The following TENM4 variants were observed in gnomAD, a reference collection of about 807,000 sequenced individuals.
The protein encoded by TENM4 is teneurin transmembrane protein 4, also known as teneurin-4.
A neutral mutation model predicts 243.3 loss-of-function variants in TENM4; 82 were observed. The ratio of observed to expected loss-of-function variants is 0.34; its 90% CI spans 0.28 to 0.40. The LOEUF is 0.40. Among genes scored for constraint, TENM4 ranks in the 10% least tolerant of loss-of-function variants. The probability of loss-of-function intolerance (pLI) is 1.00; values close to 1 mark genes in which losing one functional copy is unlikely to be tolerated. For missense variants in TENM4, 3,138 were observed against 3,673.3 expected (o/e 0.85, Z 3.77); for synonymous variants, 1,412 against 1,456.3 (o/e 0.97, Z 0.69).
chr11:79,152,701 CA>C (rs938574677), intron 3 of TENM4, among the ~76,000 whole-genome samples: 1 of 152,218 alleles, frequency 6.6e-6, no homozygotes, highest in African/African-American at 2.4e-5. Flanking sequence ...TGCTGGCTGG[CA>C]GCCCTCTACT....
At chr11:79,027,846 TA>T (rs1324758316) in intron 6 of TENM4, among the ~76,000 whole-genome samples, 2 of 152,160 alleles carry the variant, frequency 1.3e-5, no homozygotes, top group Admixed American at 6.5e-5. Context: ...AGGCATGTGT[TA>T]GATTCTTAAC....
chr11:79,206,814 A>G (rs1466380591), intron 3 of TENM4, among the ~76,000 whole-genome samples: 1 of 152,176 alleles, frequency 6.6e-6, no homozygotes, highest in Non-Finnish European at 1.5e-5. Flanking sequence ...AGGTGTCTTT[A>G]TCAGCAGCGT....
intron 9 of TENM4, among the ~76,000 whole-genome samples, chr11:78,883,539 G>C (rs1202011017): frequency 1.3e-5 from 2 of 152,180 alleles, no homozygotes; most frequent in African/African-American, 4.8e-5. Context: ...TGTCCTCTCA[G>C]GTCTTCATTT....
rs565926621 is a variant in TENM4, at chr11:78,750,242, C to A, written c.2756+6563G>T. ...AAATAAGTTTCATGAAATACATATT[C>A]TTTTTACAGTGATGCACTGATATTT... On this transcript the variant is annotated intron_variant, in intron 19 of 33. Transcript: ENST00000278550. Among the ~76,000 whole-genome samples, 7 of 152,276 alleles carry A rather than the reference C, an allele frequency of 4.6e-5. No homozygotes were observed. The South Asian group carries it at 1.0e-3, about 23-fold the overall frequency.
chr11:78,660,693 G>A (rs568957075), intron 33 of TENM4, among the ~76,000 whole-genome samples: 96 of 152,264 alleles, frequency 6.3e-4, no homozygotes, highest in Non-Finnish European at 1.1e-3. Context: ...TCATCCCTGC[G>A]TTCACTGGGC....
intron 6 of TENM4, among the ~76,000 whole-genome samples, chr11:79,011,415 C>T (rs1419326879): frequency 6.6e-6 from 1 of 152,208 alleles, no homozygotes; most frequent in Non-Finnish European, 1.5e-5. Flanking sequence ...CCTGTCTTGG[C>T]CTTGGTCCTG....
intron 9 of TENM4, among the ~76,000 whole-genome samples, chr11:78,869,171 G>A (rs1320887272): frequency 6.6e-6 from 1 of 151,122 alleles, no homozygotes; most frequent in Non-Finnish European, 1.5e-5. Flanking sequence ...CTAAAAATAG[G>A]AGAACGACTT....
rs1346398559 is a variant in TENM4, at chr11:78,895,759, G to A, written c.750-4423C>T. Among the ~76,000 whole-genome samples the A allele has an allele frequency of 2.0e-5, 3 of 152,174 alleles. No homozygotes were observed. The East Asian group carries it at 5.8e-4, about 29-fold the overall frequency. ...GTGGGTGCTATTACCTCATTTTACAGATATGGAAACTAAGGCCCAGAAAGG... is the reference window on the plus strand; with the variant it reads ...GTGGGTGCTATTACCTCATTTTACAAATATGGAAACTAAGGCCCAGAAAGG... On this transcript the variant is annotated intron_variant, in intron 7 of 33. Coordinates refer to ENST00000278550, the MANE Select transcript of TENM4 (RefSeq NM_001098816.3).
At chr11:79,076,055 C>G (rs898941789) in intron 4 of TENM4, among the ~76,000 whole-genome samples, 1 of 152,082 alleles carries the variant, frequency 6.6e-6, no homozygotes. Flanking sequence ...TAACGTGGGT[C>G]TTGGTTTTGG....
chr11:78,985,853 C>T (rs1473515710), intron 6 of TENM4, among the ~76,000 whole-genome samples: 1 of 152,178 alleles, frequency 6.6e-6, no homozygotes, highest in African/African-American at 2.4e-5. Context: ...CTGCCATCAG[C>T]TTTGCCCAGG....
At chr11:79,079,446 T>C (rs1321381857) in intron 4 of TENM4, among the ~76,000 whole-genome samples, 2 of 152,218 alleles carry the variant, frequency 1.3e-5, no homozygotes, top group Non-Finnish European at 2.9e-5. Context: ...AGCTGTGTCT[T>C]CCAGATTCCT....
intron 6 of TENM4, among the ~76,000 whole-genome samples, chr11:79,050,674 T>C (rs1859769392): frequency 6.6e-6 from 1 of 152,246 alleles, no homozygotes; most frequent in Admixed American, 6.5e-5. Flanking sequence ...AGGAAAGCAA[T>C]TTGTTTTGTA....
intron 3 of TENM4, among the ~76,000 whole-genome samples, chr11:79,196,968 G>T (rs1178375877): frequency 1.3e-5 from 2 of 152,308 alleles, no homozygotes; most frequent in Admixed American, 6.5e-5. Context: ...AGCAGATGGC[G>T]CCTGGTCATG....
chr11:79,164,469 T>TATATATA (rs1451094202), intron 3 of TENM4, among the ~76,000 whole-genome samples: 8 of 129,154 alleles, frequency 6.2e-5, no homozygotes, highest in African/African-American at 2.2e-4. Context: ...ATATATATAG[T>TATATATA]GTATATATAT....
chr11:78,797,295 G>A (rs553077201), intron 15 of TENM4, among the ~76,000 whole-genome samples: 2 of 152,312 alleles, frequency 1.3e-5, no homozygotes, highest in East Asian at 1.9e-4. Flanking sequence ...CATGAAGCAC[G>A]TACATGAAGG....
intron 6 of TENM4, among the ~76,000 whole-genome samples, chr11:78,967,720 C>A (rs1857465942): frequency 6.6e-6 from 1 of 152,116 alleles, no homozygotes; most frequent in South Asian, 2.1e-4. Flanking sequence ...CTGAAGGGAA[C>A]CTGGCATTGC....
chr11:79,184,490 T>C lies in TENM4; in HGVS notation c.-163+31318A>G, dbSNP rs1384184932. 2.2e-5 allele frequency among the ~76,000 whole-genome samples: 3 copies of C among 137,520 alleles called. No homozygotes were observed. In the Admixed American group the frequency reaches 2.5e-4, roughly 12 times the overall value. The allele number at this position is 137,520 out of a possible 152,430, so 90.2% of individuals were successfully genotyped here. A position where few individuals can be genotyped will look rare whatever the true frequency, so the allele number is the denominator to read the frequency against. Reference sequence around the variant, plus strand: ...TGGGCCTGCTGCTCACCTCCTGCTGTGCAGCTAGGTTCCTAACCACTTACT... The same window carrying C: ...TGGGCCTGCTGCTCACCTCCTGCTGCGCAGCTAGGTTCCTAACCACTTACT... On this transcript the variant is annotated intron_variant, in intron 3 of 33. Transcript: ENST00000278550.
intron 1 of TENM4, among the ~76,000 whole-genome samples, chr11:79,347,072 C>T (rs1197906158): frequency 6.6e-6 from 1 of 152,190 alleles, no homozygotes; most frequent in Non-Finnish European, 1.5e-5. Flanking sequence ...ATGCATCTTA[C>T]TTAGAAACTG....
rs528499296 is a variant in TENM4, at chr11:78,784,704, C to A, written c.2365+2194G>T. ...TCTGGAGGGGAAAAGGTATCTGCAT[C>A]CCCAAGGTGGAATCTGTTCTAGAAG... On this transcript the variant is annotated intron_variant, in intron 16 of 33. Transcript: ENST00000278550. Among the ~76,000 whole-genome samples, 6 of 152,304 alleles carry A rather than the reference C, an allele frequency of 3.9e-5. No individual in the cohort carries two copies. In the South Asian group the frequency reaches 1.0e-3, roughly 26 times the overall value.
Sources: allele counts gnomAD v4.1 joint callset (sites outside exome capture counted in the v4.1 genomes callset), GRCh38; gene constraint gnomAD v4.1.1; transcripts MANE v1.5; gene names NCBI Gene and HGNC (gene_info 2026-07-23, HGNC 2026-07-21).